Variants in GRIK3 observed in about 807,000 individuals in gnomAD.
GRIK3 encodes the protein glutamate receptor ionotropic, kainate 3.
GRIK3 carries 29 observed loss-of-function variants against 102.5 expected under a neutral mutation model. That is an observed-to-expected ratio of 0.28 (90% CI 0.21 to 0.39). The LOEUF (loss-of-function observed/expected upper bound fraction) is 0.39. Among genes scored for constraint, GRIK3 ranks in the 10% least tolerant of loss-of-function variants. The pLI is 1.00. For synonymous variants in GRIK3, 511 were observed against 504.9 expected, an observed-to-expected ratio of 1.01 and a Z score of -0.16; for missense variants, 908 against 1,252.4, an observed-to-expected ratio of 0.73 and a Z score of 4.15.
intron 4 of GRIK3, 26 bp from the exon 5 acceptor site, chr1:36,869,827 T>C (rs780404935): frequency 1.3e-6 from 2 of 1,592,742 alleles, no homozygotes; most frequent in Non-Finnish European, 1.7e-6. Context: ...GTGTTAGTGA[T>C]CAGCAGGGAA....
rs892072242 is a variant in GRIK3 at position 36,819,302 on chromosome 1, G to A, written c.1873+434C>T. Among the ~76,000 whole-genome samples, 4 of 152,118 alleles carry A rather than the reference G, an allele frequency of 2.6e-5. No individual in the cohort carries two copies. The highest frequency in any genetic ancestry group is 9.7e-5 in the African/African-American group (4 of 41,408). On this transcript the variant is annotated intron_variant, in intron 12 of 15. Coordinates refer to ENST00000373091, the MANE Select transcript of GRIK3 (RefSeq NM_000831.4). The surrounding 1 kb of genome is among the most constrained non-coding windows in gnomAD (Gnocchi z 4.1). ...CTCCCAGGGCCACCACGAGGTTCAG[G>A]TCTCATCACCTCATTCCTGCAGTGG...
Position 36,858,963 on chromosome 1 carries a change from G to A in GRIK3, c.1104+145C>T, listed in dbSNP as rs546336452. Reference sequence around the variant, plus strand: ...TCCTATGGAGCCCATTTTCACACGGGAAACTGAGGCTCGGAGACATGAGGC... The same window carrying A: ...TCCTATGGAGCCCATTTTCACACGGAAAACTGAGGCTCGGAGACATGAGGC... On this transcript the variant is annotated intron_variant, in intron 7 of 15. Transcript: ENST00000373091. The A allele has an allele frequency of 5.2e-5, 37 of 714,624 alleles. 1 individual carries two copies. Among genetic ancestry groups the A allele is most frequent in the South Asian group, 5.1e-4 (24 of 47,180 alleles). 44.3% of individuals were successfully genotyped at this position (714,624 alleles called of 1,614,324 possible).
At chr1:37,017,900 AAT>A (rs1269731708) in intron 1 of GRIK3, among the ~76,000 whole-genome samples, 1 of 152,150 alleles carries the variant, frequency 6.6e-6, no homozygotes, top group Non-Finnish European at 1.5e-5. Context: ...ATGGATGGGT[AAT>A]GAGTCCTCTT....
intron 1 of GRIK3, among the ~76,000 whole-genome samples, chr1:36,917,968 C>A (rs1295890348): frequency 6.6e-6 from 1 of 152,224 alleles, no homozygotes; most frequent in African/African-American, 2.4e-5. Flanking sequence ...GGGAGGCCAG[C>A]AGCTGCATTT....
intron 1 of GRIK3, among the ~76,000 whole-genome samples, chr1:36,927,883 T>C (rs1026354508): frequency 6.6e-6 from 1 of 151,974 alleles, no homozygotes; most frequent in African/African-American, 2.4e-5. Context: ...GCTTGCCCTG[T>C]GGTTCCTGAT....
At chr1:36,832,086 TAC>T (rs1557696096) in intron 10 of GRIK3, among the ~76,000 whole-genome samples, 5 of 568 alleles carry the variant, frequency 8.8e-3, no homozygotes, top group African/African-American at 0.029. Context: ...GCGACTGCTC[TAC>T]TGCTCTCATC....
At chr1:36,844,222 C>T (rs1640494024) in intron 9 of GRIK3, among the ~76,000 whole-genome samples, 1 of 152,246 alleles carries the variant, frequency 6.6e-6, no homozygotes, top group African/African-American at 2.4e-5. Flanking sequence ...GGATTCCCGA[C>T]TAGCCAGGGA....
intron 1 of GRIK3, among the ~76,000 whole-genome samples, chr1:37,031,194 A>G (rs1054089332): frequency 1.4e-4 from 22 of 152,266 alleles, no homozygotes; most frequent in African/African-American, 5.1e-4. Flanking sequence ...TTTGATAATC[A>G]TACATAGAAT....
intron 1 of GRIK3, among the ~76,000 whole-genome samples, chr1:36,961,004 C>T (rs952850882): frequency 6.6e-6 from 1 of 152,234 alleles, no homozygotes; most frequent in Non-Finnish European, 1.5e-5. Flanking sequence ...AGTGGTCATT[C>T]CACTGCTAAA....
At chr1:36,835,580 C>G (rs1223362644) in intron 10 of GRIK3, among the ~76,000 whole-genome samples, 1 of 152,224 alleles carries the variant, frequency 6.6e-6, no homozygotes, top group African/African-American at 2.4e-5. Flanking sequence ...CATCACAACC[C>G]CTAATTGAGT....
chr1:36,982,617 G>A (rs1397570781), intron 1 of GRIK3, among the ~76,000 whole-genome samples: 1 of 152,220 alleles, frequency 6.6e-6, no homozygotes, highest in Non-Finnish European at 1.5e-5. Context: ...GGTCTGCAGG[G>A]AAGGGGAAAG....
intron 1 of GRIK3, among the ~76,000 whole-genome samples, chr1:36,897,589 A>T (rs1275942931): frequency 1.3e-5 from 2 of 152,206 alleles, no homozygotes; most frequent in African/African-American, 4.8e-5. Flanking sequence ...CAAACTAGTG[A>T]GGCATCATCT....
At chr1:36,886,287 G>A (rs2124268661) in intron 2 of GRIK3, among the ~76,000 whole-genome samples, 1 of 152,296 alleles carries the variant, frequency 6.6e-6, no homozygotes, top group South Asian at 2.1e-4. Context: ...CCCCCCACAG[G>A]GCCCGAGGTG....
intron 1 of GRIK3, among the ~76,000 whole-genome samples, chr1:36,992,614 T>TG (rs1439831466): frequency 1.3e-5 from 2 of 152,238 alleles, no homozygotes; most frequent in South Asian, 2.1e-4. Flanking sequence ...GGAGACATGA[T>TG]GGTTGATGGA....
At chr1:36,894,134 C>T (rs1641147529) in intron 1 of GRIK3, among the ~76,000 whole-genome samples, 1 of 152,194 alleles carries the variant, frequency 6.6e-6, no homozygotes, top group African/African-American at 2.4e-5. Flanking sequence ...ACCTTCCCAT[C>T]ACCCAGTAAG....
intron 7 of GRIK3, among the ~76,000 whole-genome samples, chr1:36,856,825 G>A (rs544785206): frequency 1.3e-4 from 20 of 152,292 alleles, no homozygotes; most frequent in Admixed American, 6.5e-5. Flanking sequence ...AAATTTCCAA[G>A]GGTTGAGGGG....
At chr1:36,977,058 C>A (rs1299282974) in intron 1 of GRIK3, among the ~76,000 whole-genome samples, 1 of 152,186 alleles carries the variant, frequency 6.6e-6, no homozygotes, top group Non-Finnish European at 1.5e-5. Context: ...TCAGTCCCCT[C>A]CCCTCCCCAC....
intron 1 of GRIK3, among the ~76,000 whole-genome samples, chr1:36,956,567 C>T (rs1251189790): frequency 6.6e-6 from 1 of 152,114 alleles, no homozygotes; most frequent in African/African-American, 2.4e-5. Context: ...CACTCTCGAC[C>T]ATCACATGCC....
intron 1 of GRIK3, among the ~76,000 whole-genome samples, chr1:36,911,935 A>G (rs552610496): frequency 1.3e-5 from 2 of 152,128 alleles, no homozygotes; most frequent in South Asian, 4.1e-4. Flanking sequence ...TCAGCAGAGC[A>G]ATTCCACAGC....
Sources: gnomAD v4.1 joint callset for allele counts (sites outside exome capture counted in the v4.1 genomes callset) on GRCh38, gnomAD v4.1.1 for gene constraint, Gnocchi (gnomAD v3.1) non-coding constraint, MANE v1.5 for transcripts, NCBI Gene and HGNC (gene_info 2026-07-23, HGNC 2026-07-21) for gene names.